The following DAAM1 variants were observed in gnomAD, a reference collection of about 807,000 sequenced individuals.
The protein encoded by DAAM1 is dishevelled associated activator of morphogenesis 1.
A neutral mutation model predicts 130.0 loss-of-function variants in DAAM1; 52 were observed. That is an observed-to-expected ratio of 0.40 (90% CI 0.32 to 0.50). The LOEUF (loss-of-function observed/expected upper bound fraction) is 0.50. DAAM1 is among the 20% of genes least tolerant of loss of function. The probability of loss-of-function intolerance (pLI) is 0.61; values close to 1 mark genes in which losing one functional copy is unlikely to be tolerated. For synonymous variants in DAAM1, 452 were observed against 444.5 expected (o/e 1.02, Z -0.21); for missense variants, 1,134 against 1,303.8 (o/e 0.87, Z 2.01).
At chr14:59,201,303 G>A (rs1398919736) in intron 1 of DAAM1, among the ~76,000 whole-genome samples, 2 of 152,098 alleles carry the variant, frequency 1.3e-5, no homozygotes, top group Non-Finnish European at 2.9e-5. Context: ...TGCCTAGCTG[G>A]TTAAGTGCAC....
At chr14:59,258,729 G>T (rs994047054) in intron 1 of DAAM1, among the ~76,000 whole-genome samples, 4 of 152,148 alleles carry the variant, frequency 2.6e-5, no homozygotes, top group Non-Finnish European at 4.4e-5. Flanking sequence ...ATGGATGCCT[G>T]TTGGAAATCT....
intron 1 of DAAM1, among the ~76,000 whole-genome samples, chr14:59,199,705 C>T (rs1291757218): frequency 6.6e-6 from 1 of 152,096 alleles, no homozygotes; most frequent in Non-Finnish European, 1.5e-5. Context: ...GGCAGATGAC[C>T]CATTTTTGTA....
intron 2 of DAAM1, among the ~76,000 whole-genome samples, chr14:59,290,812 G>A (rs545690472): frequency 6.6e-6 from 1 of 152,294 alleles, no homozygotes; most frequent in Admixed American, 6.5e-5. Context: ...GGCCCAGCCT[G>A]TTAGTGTTTG....
At chr14:59,281,037 A>G (rs999439538) in intron 2 of DAAM1, among the ~76,000 whole-genome samples, 1 of 133,310 alleles carries the variant, frequency 7.5e-6, no homozygotes, top group African/African-American at 2.5e-5. Flanking sequence ...TTCCTGCAGG[A>G]TGAGTTCTTC....
At chr14:59,242,864 A>G (rs1490993058) in intron 1 of DAAM1, among the ~76,000 whole-genome samples, 1 of 152,110 alleles carries the variant, frequency 6.6e-6, no homozygotes, top group African/African-American at 2.4e-5. Context: ...GCTGGGTACT[A>G]TTATTATTTT....
chr14:59,276,006 T>C (rs2139531456), intron 2 of DAAM1, among the ~76,000 whole-genome samples: 1 of 152,338 alleles, frequency 6.6e-6, no homozygotes, highest in South Asian at 2.1e-4. Flanking sequence ...AGCTCTCTCT[T>C]GTTTTCCATT....
rs1885067645 is a variant in DAAM1 at position 59,322,889 on chromosome 14, C to T, written c.441-3C>T. 1.9e-6 allele frequency: 3 copies of T among 1,601,808 alleles called. No individual in the cohort carries two copies. Among genetic ancestry groups the T allele is most frequent in the Non-Finnish European group, 2.6e-6 (3 of 1,172,038 alleles). On this transcript the variant is annotated splice_polypyrimidine_tract_variant and splice_region_variant and intron_variant, in intron 5 of 24. Transcript: ENST00000360909. ...AAGCATGGTGCATTTCTCTTCATGACAGGTTTGTAACCAGATTCATCGACT... is the reference window on the plus strand; with the variant it reads ...AAGCATGGTGCATTTCTCTTCATGATAGGTTTGTAACCAGATTCATCGACT...
Position 59,331,843 on chromosome 14 carries a change from A to G in DAAM1, c.1891A>G (p.Ile631Val). 1 of 1,614,170 alleles carries G rather than the reference A, an allele frequency of 6.2e-7. No homozygotes were observed. Among genetic ancestry groups the G allele is most frequent in the Non-Finnish European group, 8.5e-7 (1 of 1,180,004 alleles). The stretch of plus-strand genomic sequence containing the variant: ...ACTGGAAGGAACAGTATGGACCGAA[A>G]TTGATGATACAAAAGTCTTCAAAAT... ...NKLEGTVWTE[I>V]DDTKVFKILD... The change falls in exon 15 of 25, where the codon ATT becomes GTT. Residue 631 changes from isoleucine to valine, a missense_variant. Transcript: ENST00000360909.
intron 22 of DAAM1, among the ~76,000 whole-genome samples, chr14:59,361,942 C>T (rs1886716683): frequency 8.2e-6 from 1 of 122,204 alleles, no homozygotes. Context: ...TAATTAAAGA[C>T]ATACCTCTAA....
intron 1 of DAAM1, among the ~76,000 whole-genome samples, chr14:59,216,930 T>A (rs1888599857): frequency 1.4e-5 from 2 of 143,732 alleles, no homozygotes; most frequent in African/African-American, 2.5e-5. Context: ...TTTTTTTTTT[T>A]ACTTGTTTGT....
At position 59,369,721 on chromosome 14, in the gene DAAM1, A is replaced by G. The variant is rs1181273729; in HGVS notation, c.*862A>G. 6.7e-6 allele frequency: 1 copy of G among 148,550 alleles called. No homozygotes were observed. The highest frequency in any genetic ancestry group is 1.5e-5 in the Non-Finnish European group (1 of 67,350). The allele number at this position is 148,550 out of a possible 1,614,324, so 9.2% of individuals were successfully genotyped here. A position where few individuals can be genotyped will look rare whatever the true frequency, so the allele number is the denominator to read the frequency against. On this transcript the variant is annotated 3_prime_UTR_variant, in exon 25 of 25. Transcript: ENST00000360909. ...AATAAAATATCTCACCCAAGACTTA[A>G]AGGAAGAATTCTCTGAAGGGATAAA...
rs766041834 is a variant in DAAM1, at chr14:59,340,175, A to G, written c.2070A>G (p.Leu690=). 5.6e-6 allele frequency: 9 copies of G among 1,612,836 alleles called. No individual in the cohort carries two copies. Among genetic ancestry groups the G allele is most frequent in the East Asian group, 2.2e-5 (1 of 44,856 alleles). The part of the protein sequence containing the change: ...GRRAQNCNIL[L]SRLKLSNDEI... ...GAGCTCAGAATTGCAACATCCTTCT[A>G]TCGAGGTATTGTTGATGTTGAATAA... The change falls in exon 16 of 25, where the codon CTA becomes CTG. Residue 690 remains leucine, a synonymous_variant. Coordinates refer to ENST00000360909, the MANE Select transcript of DAAM1 (RefSeq NM_001270520.2).
rs532806853 is a variant in DAAM1, at chr14:59,210,477, C to T, written c.-38+21709C>T. Among the ~76,000 whole-genome samples the T allele has an allele frequency of 2.6e-4, 40 of 151,902 alleles. 1 individual carries two copies. The highest frequency in any genetic ancestry group is 4.0e-4 in the Non-Finnish European group (27 of 67,918). On this transcript the variant is annotated intron_variant, in intron 1 of 24. Coordinates refer to ENST00000360909, the MANE Select transcript of DAAM1 (RefSeq NM_001270520.2). ...AATTAGCAATGCAAATAAGCCAGCA[C>T]TTTTCATAAATATAATAAGCAGTCA...
At chr14:59,349,280 T>A (rs1288687923) in intron 17 of DAAM1, among the ~76,000 whole-genome samples, 1 of 152,234 alleles carries the variant, frequency 6.6e-6, no homozygotes, top group African/African-American at 2.4e-5. Context: ...TTCCACAAGA[T>A]CTGTTTACTG....
chr14:59,253,865 T>C (rs1449350603), intron 1 of DAAM1, among the ~76,000 whole-genome samples: 2 of 152,308 alleles, frequency 1.3e-5, no homozygotes, highest in Middle Eastern at 3.4e-3. Context: ...CTTTAATCCA[T>C]AGTAAACTTT....
chr14:59,321,613 G>A (rs943743815), intron 5 of DAAM1, among the ~76,000 whole-genome samples: 4 of 152,184 alleles, frequency 2.6e-5, no homozygotes, highest in African/African-American at 4.8e-5. Flanking sequence ...TACATTACAT[G>A]AGCACAGGTG....
intron 18 of DAAM1, among the ~76,000 whole-genome samples, chr14:59,353,087 C>T (rs1886349360): frequency 6.6e-6 from 1 of 152,152 alleles, no homozygotes; most frequent in African/African-American, 2.4e-5. Flanking sequence ...GATGTCAGAT[C>T]ATGACACATG....
intron 1 of DAAM1, among the ~76,000 whole-genome samples, chr14:59,261,835 A>G (rs931286764): frequency 3.9e-5 from 6 of 152,226 alleles, no homozygotes; most frequent in Non-Finnish European, 1.5e-5. Context: ...TTTAAAACTT[A>G]AGAACAAAAA....
intron 1 of DAAM1, among the ~76,000 whole-genome samples, chr14:59,242,100 T>A (rs931647580): frequency 3.3e-5 from 5 of 152,340 alleles, no homozygotes; most frequent in African/African-American, 1.2e-4. Context: ...ACAGGCTATG[T>A]ATCTTAACTA....
Sources: allele counts gnomAD v4.1 joint callset (sites outside exome capture counted in the v4.1 genomes callset), GRCh38; gene constraint gnomAD v4.1.1; transcripts MANE v1.5; gene names NCBI Gene and HGNC (gene_info 2026-07-23, HGNC 2026-07-21).